Variants in SSBP3 observed in about 807,000 individuals in gnomAD.
SSBP3 encodes the protein single stranded DNA binding protein 3.
In SSBP3, 5 loss-of-function variants were observed where a neutral mutation model predicts 69.6. The observed-to-expected ratio is 0.07, with a 90% CI of 0.04 to 0.15. The LOEUF (loss-of-function observed/expected upper bound fraction) is 0.15, where lower values mean the gene tolerates loss of function less well. SSBP3 is among the 10% of genes least tolerant of loss of function. The pLI is 1.00. For missense variants in SSBP3, 312 were observed against 534.0 expected (o/e 0.58, Z 4.10); for synonymous variants, 196 against 193.4 (o/e 1.01, Z -0.11).
intron 4 of SSBP3, among the ~76,000 whole-genome samples, chr1:54,393,376 G>A (rs967902572): frequency 6.6e-6 from 1 of 152,198 alleles, no homozygotes; most frequent in Non-Finnish European, 1.5e-5. Flanking sequence ...GATGGTTCAC[G>A]CTTCACAGGC....
chr1:54,397,164 G>A (rs1648951395), intron 4 of SSBP3, among the ~76,000 whole-genome samples: 1 of 152,210 alleles, frequency 6.6e-6, no homozygotes, highest in African/African-American at 2.4e-5. Flanking sequence ...CAGGACCTCT[G>A]GGCAGATAGC....
rs533193478 is a variant in SSBP3 at position 54,281,429 on chromosome 1, C to G, written c.366+9G>C. 4 of 1,553,908 alleles carry G rather than the reference C, an allele frequency of 2.6e-6. No homozygotes were observed. The highest frequency in any genetic ancestry group is 2.6e-6 in the Non-Finnish European group (3 of 1,148,460). ...GGTGGAGCACAAGACCCACGGGCCC[C>G]GCACGTACCTGAAAGAAACCTGGCG... On this transcript the variant is annotated intron_variant, in intron 5 of 17. Transcript: ENST00000610401.
chr1:54,397,271 G>A (rs1648961104), intron 4 of SSBP3, among the ~76,000 whole-genome samples: 1 of 152,108 alleles, frequency 6.6e-6, no homozygotes, highest in Non-Finnish European at 1.5e-5. Context: ...CCACCCTCTT[G>A]TCCCCCTCCC....
chr1:54,292,120 G>A (rs900473921), intron 4 of SSBP3, among the ~76,000 whole-genome samples: 4 of 152,226 alleles, frequency 2.6e-5, no homozygotes, highest in Admixed American at 2.6e-4. Flanking sequence ...CTACTCCCCT[G>A]GAGGTGACAA....
chr1:54,235,513 C>T (rs1251784463), intron 14 of SSBP3, among the ~76,000 whole-genome samples: 1 of 137,034 alleles, frequency 7.3e-6, no homozygotes, highest in Non-Finnish European at 1.5e-5. Flanking sequence ...TGGAGCGCAG[C>T]GTTGCAATCT....
chr1:54,343,485 A>T (rs1023369362), intron 4 of SSBP3, among the ~76,000 whole-genome samples: 1 of 152,220 alleles, frequency 6.6e-6, no homozygotes, highest in Non-Finnish European at 1.5e-5. Flanking sequence ...ACTGAAGGTA[A>T]AACGGACACT....
At chr1:54,336,368 C>G (rs1461030713) in intron 4 of SSBP3, among the ~76,000 whole-genome samples, 1 of 152,138 alleles carries the variant, frequency 6.6e-6, no homozygotes, top group East Asian at 1.9e-4. Context: ...CCGACTGCCT[C>G]TCCTCCTTCC....
At chr1:54,305,882 T>C (rs565912159) in intron 4 of SSBP3, among the ~76,000 whole-genome samples, 1 of 149,448 alleles carries the variant, frequency 6.7e-6, no homozygotes, top group Admixed American at 6.8e-5. Flanking sequence ...TGCTGTCAGT[T>C]TCACCCCAAG....
chr1:54,310,585 C>T (rs1419496598), intron 4 of SSBP3, among the ~76,000 whole-genome samples: 1 of 152,112 alleles, frequency 6.6e-6, no homozygotes, highest in Admixed American at 6.5e-5. Flanking sequence ...CACCCCAACC[C>T]ACTTCCTCCC....
At chr1:54,367,231 C>A (rs989580586) in intron 4 of SSBP3, among the ~76,000 whole-genome samples, 1 of 152,110 alleles carries the variant, frequency 6.6e-6, no homozygotes, top group African/African-American at 2.4e-5. Flanking sequence ...AGAATGCCAC[C>A]AATCGCTCTT....
chr1:54,376,775 C>T (rs1647253610), intron 4 of SSBP3, among the ~76,000 whole-genome samples: 1 of 152,170 alleles, frequency 6.6e-6, no homozygotes, highest in Non-Finnish European at 1.5e-5. Context: ...TTACAAACGG[C>T]GATGCAAATC....
chr1:54,281,170 C>T (rs1214373737), intron 5 of SSBP3, among the ~76,000 whole-genome samples: 1 of 152,140 alleles, frequency 6.6e-6, no homozygotes, highest in African/African-American at 2.4e-5. Context: ...CAGACTGTGT[C>T]GCGCCTACGA....
At chr1:54,241,063 C>G in intron 12 of SSBP3, 104 bp from the exon 13 acceptor site, 1 of 1,229,552 alleles carries the variant, frequency 8.1e-7, no homozygotes, top group Non-Finnish European at 1.1e-6. Context: ...TCGCCCCAGG[C>G]CCAGCCGCTA....
At chr1:54,382,943 C>A (rs1274220533) in intron 4 of SSBP3, among the ~76,000 whole-genome samples, 1 of 143,156 alleles carries the variant, frequency 7.0e-6, no homozygotes, top group African/African-American at 2.7e-5. Flanking sequence ...CGAGATCGTG[C>A]CATTGCACTC....
intron 4 of SSBP3, among the ~76,000 whole-genome samples, chr1:54,349,060 TGCAAA>T (rs1274838382): frequency 6.6e-6 from 1 of 152,232 alleles, no homozygotes; most frequent in Non-Finnish European, 1.5e-5. Context: ...CAGCCTCGTC[TGCAAA>T]GATAAGATGA....
At chr1:54,374,821 T>G (rs1296127086) in intron 4 of SSBP3, among the ~76,000 whole-genome samples, 1 of 152,226 alleles carries the variant, frequency 6.6e-6, no homozygotes, top group East Asian at 1.9e-4. Context: ...GCTAACTGAC[T>G]TCCAGAGCAT....
intron 4 of SSBP3, among the ~76,000 whole-genome samples, chr1:54,385,345 C>T (rs1047167413): frequency 6.6e-6 from 1 of 152,300 alleles, no homozygotes; most frequent in Admixed American, 6.5e-5. Flanking sequence ...CCACCAAAAA[C>T]AGACTTCAGG....
At chr1:54,325,767 C>T (rs751889300) in intron 4 of SSBP3, among the ~76,000 whole-genome samples, 33 of 152,130 alleles carry the variant, frequency 2.2e-4, no homozygotes, top group Non-Finnish European at 3.7e-4. Context: ...TCTCGACTGC[C>T]GATGTCAATT....
intron 4 of SSBP3, among the ~76,000 whole-genome samples, chr1:54,339,448 G>A (rs1023564257): frequency 2.0e-5 from 3 of 152,142 alleles, no homozygotes; most frequent in African/African-American, 7.2e-5. Flanking sequence ...GGGGCCTTGG[G>A]CCTCAGTTTC....
Sources: allele counts gnomAD v4.1 joint callset (sites outside exome capture counted in the v4.1 genomes callset), GRCh38; gene constraint gnomAD v4.1.1; transcripts MANE v1.5; gene names NCBI Gene and HGNC (gene_info 2026-07-23, HGNC 2026-07-21).